The following UGT8 variants were observed in gnomAD, a reference collection of about 807,000 sequenced individuals.
The protein encoded by UGT8 is 2-hydroxyacylsphingosine 1-beta-galactosyltransferase.
UGT8 carries 12 observed loss-of-function variants against 40.5 expected under a neutral mutation model. That is an observed-to-expected ratio of 0.30 (90% CI 0.19 to 0.48). The LOEUF is 0.48. Among genes scored for constraint, UGT8 ranks in the 20% least tolerant of loss-of-function variants. The pLI is 0.99. For missense variants in UGT8, 513 were observed against 648.7 expected (o/e 0.79, Z 2.27); for synonymous variants, 224 against 240.4 (o/e 0.93, Z 0.63).
intron 5 of UGT8, among the ~76,000 whole-genome samples, chr4:114,674,114 A>G (rs1200798883): frequency 2.0e-5 from 3 of 152,236 alleles, no homozygotes; most frequent in Admixed American, 2.0e-4. Flanking sequence ...ATCATAAAAA[A>G]TAAAGGCTCA....
intron 1 of UGT8, among the ~76,000 whole-genome samples, chr4:114,599,907 C>T (rs536245598): frequency 2.6e-5 from 4 of 152,258 alleles, no homozygotes; most frequent in Middle Eastern, 3.4e-3. Flanking sequence ...TATATACAAG[C>T]TTTCTGGTTT....
chr4:114,651,022 T>C (rs993847786), intron 2 of UGT8, among the ~76,000 whole-genome samples: 1 of 152,120 alleles, frequency 6.6e-6, no homozygotes, highest in African/African-American at 2.4e-5. Flanking sequence ...CCTTACTTGA[T>C]TGATCCTGGA....
chr4:114,614,692 A>C (rs1297449079), intron 1 of UGT8, among the ~76,000 whole-genome samples: 2 of 152,068 alleles, frequency 1.3e-5, no homozygotes, highest in Non-Finnish European at 2.9e-5. Flanking sequence ...AATAAATATA[A>C]TTTTTCTGAT....
chr4:114,627,350 C>G (rs529925798), intron 2 of UGT8, among the ~76,000 whole-genome samples: 2 of 151,192 alleles, frequency 1.3e-5, no homozygotes, highest in African/African-American at 4.9e-5. Flanking sequence ...CCTCTGCCTC[C>G]CAGGTTCAAG....
intron 4 of UGT8, chr4:114,667,797 T>C: frequency 2.9e-6 from 2 of 679,474 alleles, no homozygotes; most frequent in Non-Finnish European, 3.6e-6. Flanking sequence ...TAATAATTAT[T>C]GGCCATTTAA....
intron 1 of UGT8, among the ~76,000 whole-genome samples, chr4:114,605,966 A>G (rs1480830541): frequency 6.6e-6 from 1 of 152,152 alleles, no homozygotes; most frequent in Non-Finnish European, 1.5e-5. Flanking sequence ...ATACTCAGGG[A>G]CTTTGAAATT....
intron 2 of UGT8, among the ~76,000 whole-genome samples, chr4:114,648,371 GTTTTT>G (rs71753758): frequency 1.6e-5 from 2 of 125,708 alleles, no homozygotes; most frequent in Non-Finnish European, 3.4e-5. Context: ...AGAAAATCTG[GTTTTT>G]TTTTTTTTTT....
intron 2 of UGT8, among the ~76,000 whole-genome samples, chr4:114,633,480 G>T (rs1176328728): frequency 6.6e-6 from 1 of 152,206 alleles, no homozygotes; most frequent in Non-Finnish European, 1.5e-5. Flanking sequence ...AACTGAGAAA[G>T]ATCAGTGGGG....
chr4:114,629,158 A>G (rs930579812), intron 2 of UGT8, among the ~76,000 whole-genome samples: 9 of 152,172 alleles, frequency 5.9e-5, no homozygotes, highest in African/African-American at 2.2e-4. Context: ...TACATATGCA[A>G]TTTGTTATCT....
intron 1 of UGT8, among the ~76,000 whole-genome samples, chr4:114,617,590 A>C (rs1045247977): frequency 6.6e-6 from 1 of 152,178 alleles, no homozygotes; most frequent in South Asian, 2.1e-4. Context: ...CCACTGCCAG[A>C]ATCTTGTAGT....
chr4:114,671,769 A>G (rs1171154199), intron 5 of UGT8, among the ~76,000 whole-genome samples: 2 of 152,238 alleles, frequency 1.3e-5, no homozygotes, highest in African/African-American at 2.4e-5. Flanking sequence ...GGCATGGGCA[A>G]AGACTTCATG....
chr4:114,662,497 G>A (rs1734602173), intron 2 of UGT8, among the ~76,000 whole-genome samples: 1 of 152,146 alleles, frequency 6.6e-6, no homozygotes, highest in African/African-American at 2.4e-5. Flanking sequence ...TATAAATAGA[G>A]CTTCCTGGAA....
intron 1 of UGT8, among the ~76,000 whole-genome samples, chr4:114,601,828 T>C (rs1276813995): frequency 6.7e-6 from 1 of 149,584 alleles, no homozygotes; most frequent in Non-Finnish European, 1.5e-5. Context: ...CTTCTTTTTA[T>C]GTTTTTTTTT....
At chr4:114,652,220 T>C (rs1026343570) in intron 2 of UGT8, among the ~76,000 whole-genome samples, 7 of 152,060 alleles carry the variant, frequency 4.6e-5, no homozygotes, top group South Asian at 4.1e-4. Context: ...TAGATGGAAG[T>C]ACTTCTAACA....
At chr4:114,613,484 G>T (rs1317215416) in intron 1 of UGT8, among the ~76,000 whole-genome samples, 1 of 152,134 alleles carries the variant, frequency 6.6e-6, no homozygotes, top group Non-Finnish European at 1.5e-5. Flanking sequence ...ATGTGCTTCT[G>T]AGAGACTGCT....
Position 114,671,723 on chromosome 4 carries a change from C to T in UGT8, c.1262+3419C>T, listed in dbSNP as rs140860319. 2.3e-3 allele frequency among the ~76,000 whole-genome samples: 346 copies of T among 152,276 alleles called. 2 individuals carry two copies. The highest frequency in any genetic ancestry group is 7.9e-3 in the African/African-American group (327 of 41,552). On this transcript the variant is annotated intron_variant, in intron 5 of 5. Transcript: ENST00000310836. Reference sequence around the variant, plus strand: ...TGTAAAACTCCAAACCATAAAAACCCTAGAAGAAAACCTAAGCAATACCAT... The same window carrying T: ...TGTAAAACTCCAAACCATAAAAACCTTAGAAGAAAACCTAAGCAATACCAT...
chr4:114,642,292 T>C (rs1733274862), intron 2 of UGT8, among the ~76,000 whole-genome samples: 1 of 152,110 alleles, frequency 6.6e-6, no homozygotes. Flanking sequence ...AGGGAAACGA[T>C]CTATTTTATA....
At chr4:114,649,722 A>G (rs1475116698) in intron 2 of UGT8, among the ~76,000 whole-genome samples, 4 of 152,186 alleles carry the variant, frequency 2.6e-5, no homozygotes, top group Admixed American at 2.6e-4. Context: ...GCTGGGCTGC[A>G]GTATGCCCGG....
chr4:114,617,675 G>A (rs905707462), intron 1 of UGT8, among the ~76,000 whole-genome samples: 4 of 152,290 alleles, frequency 2.6e-5, no homozygotes, highest in African/African-American at 9.6e-5. Flanking sequence ...ACTGTTAAAT[G>A]GAAGTCCAAA....
Sources: gnomAD v4.1 joint callset for allele counts (sites outside exome capture counted in the v4.1 genomes callset) on GRCh38, gnomAD v4.1.1 for gene constraint, MANE v1.5 for transcripts, NCBI Gene and HGNC (gene_info 2026-07-23, HGNC 2026-07-21) for gene names.